RSBN1L: variants seen among roughly 807,000 people sequenced by gnomAD.
The protein encoded by RSBN1L is round spermatid basic protein 1 like.
RSBN1L carries 30 observed loss-of-function variants against 67.7 expected under a neutral mutation model. The observed-to-expected ratio is 0.44, with a 90% CI of 0.33 to 0.60. RSBN1L has a LOEUF of 0.60. Among genes scored for constraint, RSBN1L ranks in the 20% least tolerant of loss-of-function variants. The pLI is 0.02. For missense variants in RSBN1L, 992 were observed against 1,031.7 expected (o/e 0.96, Z 0.53); for synonymous variants, 433 against 387.0 (o/e 1.12, Z -1.39).
chr7:77,746,300 A>AG (rs2150424591), intron 2 of RSBN1L, among the ~76,000 whole-genome samples: 1 of 152,286 alleles, frequency 6.6e-6, no homozygotes, highest in East Asian at 1.9e-4. Context: ...TTATGGTGGA[A>AG]GGTGAAGGGA....
intron 1 of RSBN1L, among the ~76,000 whole-genome samples, chr7:77,707,644 G>A (rs1220156662): frequency 1.3e-5 from 2 of 152,168 alleles, no homozygotes; most frequent in Non-Finnish European, 2.9e-5. Flanking sequence ...TCTTAAAGGA[G>A]TAAATGTTCA....
At chr7:77,773,519 C>A (rs1391597525) in intron 6 of RSBN1L, 6 of 344,418 alleles carry the variant, frequency 1.7e-5, no homozygotes, top group Non-Finnish European at 3.1e-5. Flanking sequence ...AATCGCAGCA[C>A]TTTGGGAGGC....
chr7:77,702,620 T>C (rs1029377191), intron 1 of RSBN1L, among the ~76,000 whole-genome samples: 2 of 152,160 alleles, frequency 1.3e-5, no homozygotes, highest in African/African-American at 4.8e-5. Context: ...TCCTGTCTCT[T>C]TGTGGGTGGA....
chr7:77,774,472 T>C (rs1042464677), intron 6 of RSBN1L, among the ~76,000 whole-genome samples: 7 of 152,282 alleles, frequency 4.6e-5, no homozygotes, highest in African/African-American at 1.7e-4. Flanking sequence ...CTCACAACTG[T>C]AATCCCAGCA....
intron 1 of RSBN1L, among the ~76,000 whole-genome samples, chr7:77,723,041 C>G (rs1331246311): frequency 2.7e-5 from 4 of 149,312 alleles, no homozygotes; most frequent in Non-Finnish European, 5.9e-5. Context: ...AATCTCGGCT[C>G]ACCACAACCT....
Position 77,697,073 on chromosome 7 carries a change from AG to A in RSBN1L, c.586+23del. 1 of 1,307,630 alleles carries A rather than the reference AG, an allele frequency of 7.6e-7. No individual in the cohort carries two copies. Among genetic ancestry groups the A allele is most frequent in the Admixed American group, 3.7e-5 (1 of 26,746 alleles). The allele number at this position is 1,307,630 out of a possible 1,614,324, so 81.0% of individuals were successfully genotyped here. ...GCCCCGAGGTGGGTGCCGTGCGGGG[AG>A]GGGGAGGGGAGGGCGCCGTGGGTCC... On this transcript the variant is annotated intron_variant, in intron 1 of 7. Coordinates refer to ENST00000334955, the MANE Select transcript of RSBN1L (RefSeq NM_198467.3).
At chr7:77,723,111 C>G (rs1325316447) in intron 1 of RSBN1L, among the ~76,000 whole-genome samples, 1 of 151,850 alleles carries the variant, frequency 6.6e-6, no homozygotes, top group African/African-American at 2.4e-5. Context: ...GGATTACAGG[C>G]ATGCGCCACC....
chr7:77,780,614 G>T lies in RSBN1L; in HGVS notation c.*1446G>T, dbSNP rs1047667255. 2 of 152,130 alleles carry T rather than the reference G, an allele frequency of 1.3e-5. No homozygotes were observed. The highest frequency in any genetic ancestry group is 2.9e-5 in the Non-Finnish European group (2 of 68,012). The allele number at this position is 152,130 out of a possible 1,614,324, so 9.4% of individuals were successfully genotyped here. On this transcript the variant is annotated 3_prime_UTR_variant, in exon 8 of 8. Coordinates refer to ENST00000334955, the MANE Select transcript of RSBN1L (RefSeq NM_198467.3). Reference sequence around the variant, plus strand: ...AGAAAAATATGGCAAATACAAAACTGTAAAATAAGGGCAATGACAATGACT... The same window carrying T: ...AGAAAAATATGGCAAATACAAAACTTTAAAATAAGGGCAATGACAATGACT...
chr7:77,696,881 C>A lies in RSBN1L; in HGVS notation c.412C>A (p.Gln138Lys). 6.2e-7 allele frequency: 1 copy of A among 1,609,602 alleles called. No individual in the cohort carries two copies. The highest frequency in any genetic ancestry group is 8.5e-7 in the Non-Finnish European group (1 of 1,179,812). ...LLVPPTLLHA[Q>K]PHHLLLPAAA... ...GGTCCCTCCTACGCTGCTGCACGCT[C>A]AGCCTCACCATCTCCTCCTGCCCGC... The change falls in exon 1 of 8, where the codon CAG becomes AAG. Residue 138 changes from glutamine (Q) to lysine (K), a missense_variant. By Grantham distance (53) the Gln-to-Lys change is moderately conservative. Coordinates refer to ENST00000334955, the MANE Select transcript of RSBN1L (RefSeq NM_198467.3).
rs770591389 is a variant in RSBN1L at position 77,696,574 on chromosome 7, C to T, written c.105C>T (p.Asp35=). 2.5e-6 allele frequency: 4 copies of T among 1,614,112 alleles called. No homozygotes were observed. The South Asian group carries it at 4.4e-5, about 18-fold the overall frequency. The change falls in exon 1 of 8, where the codon GAC becomes GAT. Residue 35 remains aspartate, a synonymous_variant. Coordinates refer to ENST00000334955, the MANE Select transcript of RSBN1L (RefSeq NM_198467.3). ...PFGKLQLSSR[D]PPGSLSAKKV... ...GCAAGCTGCAACTCTCCTCCCGGGA[C>T]CCTCCGGGTTCTCTGTCCGCCAAGA...
chr7:77,746,155 C>T (rs1791481454), intron 2 of RSBN1L, among the ~76,000 whole-genome samples: 1 of 152,114 alleles, frequency 6.6e-6, no homozygotes, highest in African/African-American at 2.4e-5. Flanking sequence ...CATTTTCGCA[C>T]TTCTATAAAG....
chr7:77,779,347 A>G lies in RSBN1L; in HGVS notation c.*179A>G. On this transcript the variant is annotated 3_prime_UTR_variant, in exon 8 of 8. Coordinates refer to ENST00000334955, the MANE Select transcript of RSBN1L (RefSeq NM_198467.3). Reference sequence around the variant, plus strand: ...TGAAGTATTAAGCACTTAGGGCCAGATGCACTGTAAACATTGCAGGTTTAA... The same window carrying G: ...TGAAGTATTAAGCACTTAGGGCCAGGTGCACTGTAAACATTGCAGGTTTAA... 1.9e-6 allele frequency: 1 copy of G among 516,196 alleles called. No homozygotes were observed. 32.0% of individuals were successfully genotyped at this position (516,196 alleles called of 1,614,324 possible).
At position 77,778,391 on chromosome 7, in the gene RSBN1L, T is replaced by A; in HGVS notation, c.1847T>A (p.Phe616Tyr). Residue 616 changes from phenylalanine (F) to tyrosine (Y), a missense_variant, in exon 7 of 8, where the codon TTC (phenylalanine) becomes TAC (tyrosine). This residue lies in a region of RSBN1L where 55 missense variants were observed against 112.8 expected (regional missense o/e 0.49). Coordinates refer to ENST00000334955, the MANE Select transcript of RSBN1L (RefSeq NM_198467.3). ...KDVICFHAED[F>Y]LEVVQRMQLD... The stretch of plus-strand genomic sequence containing the variant: ...GTAATTTGTTTTCATGCTGAAGATT[T>A]CTTAGAAGTAGTTCAACGAATGCAG... 6.2e-7 allele frequency: 1 copy of A among 1,613,392 alleles called. No individual in the cohort carries two copies. The highest frequency in any genetic ancestry group is 8.5e-7 in the Non-Finnish European group (1 of 1,179,686).
chr7:77,718,657 A>G (rs1471038639), intron 1 of RSBN1L, among the ~76,000 whole-genome samples: 1 of 152,196 alleles, frequency 6.6e-6, no homozygotes, highest in African/African-American at 2.4e-5. Context: ...TGTCTTGTAT[A>G]TACTTAAACA....
intron 1 of RSBN1L, among the ~76,000 whole-genome samples, chr7:77,714,733 C>T (rs1324804844): frequency 6.6e-6 from 1 of 151,866 alleles, no homozygotes; most frequent in Non-Finnish European, 1.5e-5. Context: ...GAGGCTGAGG[C>T]GGGCCGATCA....
chr7:77,711,573 G>A (rs1233037777), intron 1 of RSBN1L, among the ~76,000 whole-genome samples: 1 of 151,998 alleles, frequency 6.6e-6, no homozygotes, highest in African/African-American at 2.4e-5. Flanking sequence ...GAACTCCTGC[G>A]TTCCGGCAAT....
intron 2 of RSBN1L, among the ~76,000 whole-genome samples, chr7:77,744,567 C>T (rs934686009): frequency 3.3e-5 from 5 of 151,930 alleles, no homozygotes; most frequent in African/African-American, 9.7e-5. Flanking sequence ...CAGGTGCCTG[C>T]CACCACGCCC....
At chr7:77,716,171 C>G (rs1404228046) in intron 1 of RSBN1L, among the ~76,000 whole-genome samples, 1 of 152,122 alleles carries the variant, frequency 6.6e-6, no homozygotes, top group African/African-American at 2.4e-5. Flanking sequence ...TTTCCTAACC[C>G]TAGATCACAG....
At position 77,733,364 on chromosome 7, in the gene RSBN1L, A is replaced by G. The variant is rs552969665; in HGVS notation, c.587-3046A>G. On this transcript the variant is annotated intron_variant, in intron 1 of 7. Coordinates refer to ENST00000334955, the MANE Select transcript of RSBN1L (RefSeq NM_198467.3). The stretch of plus-strand genomic sequence containing the variant: ...TTTGATATCAGGAGGGGTAACTGCA[A>G]TTACGTTGTCTATAACTCTCCTGTC... Among the ~76,000 whole-genome samples the G allele has an allele frequency of 7.2e-5, 11 of 152,302 alleles. No homozygotes were observed. The South Asian group carries it at 1.9e-3, about 26-fold the overall frequency.
Sources: allele counts gnomAD v4.1 joint callset (sites outside exome capture counted in the v4.1 genomes callset), GRCh38; gene constraint gnomAD v4.1.1; regional missense constraint gnomAD v4.1.1; transcripts MANE v1.5; gene names NCBI Gene and HGNC (gene_info 2026-07-23, HGNC 2026-07-21).